BTBD9: variants seen among roughly 807,000 people sequenced by gnomAD.
BTBD9 encodes BTB/POZ domain-containing protein 9.
In BTBD9, 49 loss-of-function variants were observed where a neutral mutation model predicts 64.3. The observed-to-expected ratio is 0.76, with a 90% CI of 0.61 to 0.97. BTBD9 has a LOEUF of 0.97. BTBD9 is among the 50% of genes least tolerant of loss of function. The pLI, the probability that BTBD9 is intolerant of heterozygous loss-of-function variation, is 0.00. For missense variants in BTBD9, 598 were observed against 762.1 expected (o/e 0.78, Z 2.53); for synonymous variants, 260 against 274.7 (o/e 0.95, Z 0.53).
chr6:38,582,045 T>C (rs901289161), intron 4 of BTBD9, among the ~76,000 whole-genome samples: 13 of 152,176 alleles, frequency 8.5e-5, no homozygotes, highest in African/African-American at 2.2e-4. Flanking sequence ...TAATTCATCA[T>C]TGCAGATTTC....
chr6:38,524,546 C>G (rs1773403182), intron 6 of BTBD9, among the ~76,000 whole-genome samples: 1 of 152,140 alleles, frequency 6.6e-6, no homozygotes, highest in Non-Finnish European at 1.5e-5. Flanking sequence ...CCTTATAGAA[C>G]ATGATTTTAA....
intron 9 of BTBD9, among the ~76,000 whole-genome samples, chr6:38,226,354 G>C (rs1763392394): frequency 6.6e-6 from 1 of 152,172 alleles, no homozygotes; most frequent in African/African-American, 2.4e-5. Context: ...GGACTCAGCA[G>C]CTCTTACAGT....
intron 9 of BTBD9, among the ~76,000 whole-genome samples, chr6:38,245,766 A>G (rs1355488508): frequency 6.6e-6 from 1 of 152,180 alleles, no homozygotes; most frequent in Non-Finnish European, 1.5e-5. Flanking sequence ...AGGTGAACTA[A>G]ATGTGATCTT....
chr6:38,186,526 C>T (rs903866803), intron 10 of BTBD9, among the ~76,000 whole-genome samples: 2 of 152,082 alleles, frequency 1.3e-5, no homozygotes, highest in African/African-American at 4.8e-5. Context: ...ACATCTTTTC[C>T]TTTATTGCTT....
At chr6:38,473,584 G>A (rs937159716) in intron 6 of BTBD9, among the ~76,000 whole-genome samples, 2 of 152,148 alleles carry the variant, frequency 1.3e-5, no homozygotes, top group African/African-American at 2.4e-5. Context: ...CTCAGTAAGA[G>A]TACAAATCCT....
intron 6 of BTBD9, among the ~76,000 whole-genome samples, chr6:38,573,440 A>G (rs1408240036): frequency 6.6e-6 from 1 of 152,140 alleles, no homozygotes; most frequent in Non-Finnish European, 1.5e-5. Flanking sequence ...CAGACTCTAA[A>G]TTGTCAATTT....
chr6:38,598,343 G>T (rs1342595373), intron 1 of BTBD9, among the ~76,000 whole-genome samples: 1 of 152,096 alleles, frequency 6.6e-6, no homozygotes, highest in Non-Finnish European at 1.5e-5. Flanking sequence ...AAAAATGCCA[G>T]ATCTCCAAAC....
At chr6:38,475,324 T>A (rs1442835183) in intron 6 of BTBD9, among the ~76,000 whole-genome samples, 1 of 152,186 alleles carries the variant, frequency 6.6e-6, no homozygotes, top group Non-Finnish European at 1.5e-5. Flanking sequence ...TAGTAACAGT[T>A]ACATTTAAAA....
intron 6 of BTBD9, among the ~76,000 whole-genome samples, chr6:38,426,008 GCTAC>G (rs1768131974): frequency 6.6e-6 from 1 of 151,374 alleles, no homozygotes; most frequent in Non-Finnish European, 1.5e-5. Flanking sequence ...CCAACCAGAA[GCTAC>G]GTGTGTCATA....
intron 6 of BTBD9, among the ~76,000 whole-genome samples, chr6:38,350,002 T>C (rs535388201): frequency 2.3e-4 from 35 of 152,206 alleles, no homozygotes; most frequent in Non-Finnish European, 4.7e-4. Context: ...AAGTTTAAAG[T>C]ATCTTCTCCC....
chr6:38,537,304 G>A, intron 6 of BTBD9, among the ~76,000 whole-genome samples: 1 of 152,092 alleles, frequency 6.6e-6, no homozygotes, highest in East Asian at 1.9e-4. Context: ...CTTAACCTTG[G>A]AAACAACCAC....
intron 6 of BTBD9, among the ~76,000 whole-genome samples, chr6:38,511,799 T>C (rs549127142): frequency 6.6e-6 from 1 of 152,200 alleles, no homozygotes; most frequent in South Asian, 2.1e-4. Flanking sequence ...AGGTAAAGAT[T>C]TGCTTGCATA....
rs1237957456 is a variant in BTBD9, at chr6:38,454,800, C to G, written c.1155-109707G>C. On this transcript the variant is annotated intron_variant, in intron 6 of 10. Coordinates refer to ENST00000481247, the MANE Select transcript of BTBD9 (RefSeq NM_001099272.2). ...TAGAAGACAGAGCAAGACTCTGTCTCTTAAAAAAAAAAAAAACACTAAATT... is the reference window on the plus strand; with the variant it reads ...TAGAAGACAGAGCAAGACTCTGTCTGTTAAAAAAAAAAAAAACACTAAATT... Among the ~76,000 whole-genome samples the G allele has an allele frequency of 2.1e-5, 3 of 143,640 alleles. No homozygotes were observed. The East Asian group carries it at 6.0e-4, about 29-fold the overall frequency. The allele number at this position is 143,640 out of a possible 152,430, so 94.2% of individuals were successfully genotyped here.
intron 9 of BTBD9, among the ~76,000 whole-genome samples, chr6:38,199,568 T>C (rs920344260): frequency 1.3e-5 from 2 of 152,196 alleles, no homozygotes; most frequent in African/African-American, 2.4e-5. Flanking sequence ...AAAGGGGCTA[T>C]GGAGAAACAC....
At chr6:38,589,821 T>C (rs12204346) in intron 4 of BTBD9, among the ~76,000 whole-genome samples, 8,174 of 152,266 alleles carry the variant, frequency 0.054, 289 homozygotes, top group Non-Finnish European at 0.083. Context: ...CATTGACCAT[T>C]GGATCCATAG....
intron 6 of BTBD9, among the ~76,000 whole-genome samples, chr6:38,406,421 C>A (rs1323273232): frequency 6.6e-6 from 1 of 152,140 alleles, no homozygotes; most frequent in Non-Finnish European, 1.5e-5. Flanking sequence ...GAGGAATATA[C>A]ATACATTACC....
intron 9 of BTBD9, among the ~76,000 whole-genome samples, chr6:38,219,024 G>A (rs1032501011): frequency 3.3e-5 from 5 of 151,990 alleles, no homozygotes; most frequent in African/African-American, 4.8e-5. Context: ...TTTGTATAGG[G>A]TCTAGCAAGG....
chr6:38,221,715 G>A (rs190052659), intron 9 of BTBD9, among the ~76,000 whole-genome samples: 110 of 152,286 alleles, frequency 7.2e-4, no homozygotes, highest in Non-Finnish European at 1.4e-3. Flanking sequence ...TCAAAAGGCC[G>A]GGTGCGGTGG....
Position 38,577,664 on chromosome 6 carries a change from T to C in BTBD9, c.1090A>G (p.Ile364Val). 1 of 1,610,758 alleles carries C rather than the reference T, an allele frequency of 6.2e-7. No individual in the cohort carries two copies. The highest frequency in any genetic ancestry group is 8.5e-7 in the Non-Finnish European group (1 of 1,179,412). Reference sequence around the variant, plus strand: ...CGACACAGATATTGTGAATGATCTATCACTCTGACCCAATCAAGTTCATCC... The same window carrying C: ...CGACACAGATATTGTGAATGATCTACCACTCTGACCCAATCAAGTTCATCC... Reference protein sequence around the residue: ...SMDELDWVRVIDHSQYLCRSW... With the variant: ...SMDELDWVRVVDHSQYLCRSW... Residue 364 changes from isoleucine to valine, a missense_variant, in exon 6 of 11, where the codon ATA becomes GTA. Physicochemically the swap from Ile to Val is conservative, Grantham distance 29. Transcript: ENST00000481247.
Sources: allele counts gnomAD v4.1 joint callset (sites outside exome capture counted in the v4.1 genomes callset), GRCh38; gene constraint gnomAD v4.1.1; transcripts MANE v1.5; gene names NCBI Gene and HGNC (gene_info 2026-07-23, HGNC 2026-07-21).